The following SNTB2 variants were observed in gnomAD, a reference collection of about 807,000 sequenced individuals.
SNTB2 encodes beta-2-syntrophin.
A neutral mutation model predicts 46.2 loss-of-function variants in SNTB2; 34 were observed. The ratio of observed to expected loss-of-function variants is 0.74; its 90% CI spans 0.56 to 0.98. The LOEUF (loss-of-function observed/expected upper bound fraction) is 0.98, where lower values mean the gene tolerates loss of function less well. Ranked by LOEUF, SNTB2 falls within the 50% of genes least tolerant of loss-of-function variation. The probability of loss-of-function intolerance (pLI) is 0.00; values close to 1 mark genes in which losing one functional copy is unlikely to be tolerated. For synonymous variants in SNTB2, 290 were observed against 312.6 expected (o/e 0.93, Z 0.76); for missense variants, 603 against 731.4 (o/e 0.82, Z 2.02).
At chr16:69,209,891 G>A (rs1408660260) in intron 1 of SNTB2, among the ~76,000 whole-genome samples, 1 of 151,992 alleles carries the variant, frequency 6.6e-6, no homozygotes, top group Non-Finnish European at 1.5e-5. Context: ...TACTCACAAA[G>A]TTCCCATTCA....
At chr16:69,205,634 G>T (rs905572415) in intron 1 of SNTB2, among the ~76,000 whole-genome samples, 1 of 152,020 alleles carries the variant, frequency 6.6e-6, no homozygotes, top group Non-Finnish European at 1.5e-5. Flanking sequence ...TGTTTAGTGG[G>T]CATGACATAA....
chr16:69,187,843 T>A, intron 1 of SNTB2, 97 bp downstream of exon 1: 1 of 949,476 alleles, frequency 1.1e-6, no homozygotes, highest in Non-Finnish European at 1.4e-6. Context: ...GAGCCGGTTC[T>A]CTCCCCGTCT....
At chr16:69,285,453 CTATTTATTTATT>C (rs56095766) in intron 5 of SNTB2, among the ~76,000 whole-genome samples, 58 of 130,608 alleles carry the variant, frequency 4.4e-4, no homozygotes, top group East Asian at 6.7e-4. Context: ...CTTTGAGCTT[CTATTTATTTATT>C]TATTTATTTA....
chr16:69,282,627 A>G (rs1019264153), intron 4 of SNTB2, among the ~76,000 whole-genome samples: 4 of 143,616 alleles, frequency 2.8e-5, no homozygotes, highest in African/African-American at 7.9e-5. Context: ...AGTATCTACA[A>G]AATAACTTGC....
chr16:69,272,674 C>G (rs1964949269), intron 4 of SNTB2, among the ~76,000 whole-genome samples: 1 of 151,786 alleles, frequency 6.6e-6, no homozygotes, highest in South Asian at 2.1e-4. Flanking sequence ...GGTTGATCAC[C>G]TGAGGTCAGG....
At chr16:69,194,330 T>C (rs1198043994) in intron 1 of SNTB2, among the ~76,000 whole-genome samples, 2 of 152,260 alleles carry the variant, frequency 1.3e-5, no homozygotes, top group African/African-American at 4.8e-5. Flanking sequence ...TCTGCTCTGA[T>C]TCTGGAGTTT....
At chr16:69,212,979 G>A (rs1339152960) in intron 1 of SNTB2, among the ~76,000 whole-genome samples, 1 of 152,176 alleles carries the variant, frequency 6.6e-6, no homozygotes, top group Non-Finnish European at 1.5e-5. Context: ...TTCTATAATA[G>A]TGCTTAATAT....
chr16:69,308,670 T>A lies in SNTB2; in HGVS notation c.*7746T>A, dbSNP rs188939038. 11 of 152,336 alleles carry A rather than the reference T, an allele frequency of 7.2e-5. No homozygotes were observed. The East Asian group carries it at 2.1e-3, about 29-fold the overall frequency. The allele number at this position is 152,336 out of a possible 1,614,324, so 9.4% of individuals were successfully genotyped here. On this transcript the variant is annotated 3_prime_UTR_variant, in exon 7 of 7. Transcript: ENST00000336278. ...TTTCCACACTGCTTTCATTTTTAAGTATAAAGACTTAGAAAACTAGAATAA... is the reference window on the plus strand; with the variant it reads ...TTTCCACACTGCTTTCATTTTTAAGAATAAAGACTTAGAAAACTAGAATAA...
intron 1 of SNTB2, among the ~76,000 whole-genome samples, chr16:69,233,819 C>CA (rs971251102): frequency 3.3e-4 from 50 of 151,444 alleles, no homozygotes; most frequent in South Asian, 4.2e-4. Context: ...CTGCAAAAAA[C>CA]AAAAAAAACT....
rs1425605995 is a variant in SNTB2, at chr16:69,301,927, G to A, written c.*1003G>A. ...GGCATCTCTTCTAGTAGGCAGATCTGTTTGAACAAGATAAATCCTAAAGAG... is the reference window on the plus strand; with the variant it reads ...GGCATCTCTTCTAGTAGGCAGATCTATTTGAACAAGATAAATCCTAAAGAG... On this transcript the variant is annotated 3_prime_UTR_variant, in exon 7 of 7. Coordinates refer to ENST00000336278, the MANE Select transcript of SNTB2 (RefSeq NM_006750.4). 2 of 152,466 alleles carry A rather than the reference G, an allele frequency of 1.3e-5. No homozygotes were observed. Among genetic ancestry groups the A allele is most frequent in the Non-Finnish European group, 2.9e-5 (2 of 68,022 alleles). 9.4% of individuals were successfully genotyped at this position (152,466 alleles called of 1,614,324 possible).
At chr16:69,253,661 A>C (rs937276644) in intron 2 of SNTB2, among the ~76,000 whole-genome samples, 1 of 152,162 alleles carries the variant, frequency 6.6e-6, no homozygotes, top group African/African-American at 2.4e-5. Context: ...AAACAAAAAC[A>C]AAAACAAAAA....
intron 3 of SNTB2, among the ~76,000 whole-genome samples, chr16:69,260,668 G>A (rs1406118333): frequency 1.3e-5 from 2 of 152,214 alleles, no homozygotes; most frequent in Non-Finnish European, 2.9e-5. Flanking sequence ...ATGAATGGGT[G>A]TGACTGCGTT....
Position 69,304,744 on chromosome 16 carries a change from G to C in SNTB2, c.*3820G>C, listed in dbSNP as rs1437033445. ...AGTGGTATGATCATAGCTGACTGCA[G>C]CCTCAACCTTCTGGGCTCAAATGAT... On this transcript the variant is annotated 3_prime_UTR_variant, in exon 7 of 7. Transcript: ENST00000336278. 2 of 151,834 alleles carry C rather than the reference G, an allele frequency of 1.3e-5. No homozygotes were observed. The highest frequency in any genetic ancestry group is 6.6e-5 in the Admixed American group (1 of 15,226). The allele number at this position is 151,834 out of a possible 1,614,324, so 9.4% of individuals were successfully genotyped here.
At chr16:69,227,878 G>A (rs906291906) in intron 1 of SNTB2, among the ~76,000 whole-genome samples, 5 of 127,534 alleles carry the variant, frequency 3.9e-5, no homozygotes, top group Admixed American at 1.8e-4. Context: ...AGATAAGTAA[G>A]ATGGGGTCTC....
At chr16:69,250,807 C>T (rs931251470) in intron 2 of SNTB2, among the ~76,000 whole-genome samples, 5 of 151,580 alleles carry the variant, frequency 3.3e-5, no homozygotes, top group African/African-American at 4.8e-5. Context: ...ACCTGGGAGG[C>T]GGAGGTTGCA....
chr16:69,219,634 A>T (rs1964380656), intron 1 of SNTB2, among the ~76,000 whole-genome samples: 1 of 152,236 alleles, frequency 6.6e-6, no homozygotes, highest in Non-Finnish European at 1.5e-5. Context: ...TAGTATATTT[A>T]AAAAGTCCGT....
At position 69,227,070 on chromosome 16, in the gene SNTB2, A is replaced by C. The variant is rs555423753; in HGVS notation, c.581-18532A>C. ...TATTCACAAGCACATAGTGGGGCTG[A>C]CCAAGGGCCTTTTATTCAAACAGTT... On this transcript the variant is annotated intron_variant, in intron 1 of 6. Coordinates refer to ENST00000336278, the MANE Select transcript of SNTB2 (RefSeq NM_006750.4). Among the ~76,000 whole-genome samples the C allele has an allele frequency of 4.8e-4, 73 of 152,232 alleles. 1 individual carries two copies. The highest frequency in any genetic ancestry group is 1.6e-3 in the African/African-American group (68 of 41,464).
chr16:69,240,362 G>A (rs1255816591), intron 1 of SNTB2, among the ~76,000 whole-genome samples: 1 of 152,138 alleles, frequency 6.6e-6, no homozygotes, highest in African/African-American at 2.4e-5. Flanking sequence ...CAAATGGCCA[G>A]GAGACTTGAG....
chr16:69,273,161 G>A (rs1199759766), intron 4 of SNTB2, among the ~76,000 whole-genome samples: 1 of 152,192 alleles, frequency 6.6e-6, no homozygotes, highest in Non-Finnish European at 1.5e-5. Flanking sequence ...TACTTGCTGT[G>A]CAAGGCAGTC....
Sources: allele counts gnomAD v4.1 joint callset (sites outside exome capture counted in the v4.1 genomes callset), GRCh38; gene constraint gnomAD v4.1.1; transcripts MANE v1.5; gene names NCBI Gene and HGNC (gene_info 2026-07-23, HGNC 2026-07-21).